The following CSRP1 variants were observed in gnomAD, a reference collection of about 807,000 sequenced individuals.
CSRP1 encodes the protein cysteine and glycine rich protein 1, also known as cysteine and glycine-rich protein 1.
CSRP1 carries 16 observed loss-of-function variants against 25.4 expected under a neutral mutation model. The ratio of observed to expected loss-of-function variants is 0.63; its 90% CI spans 0.43 to 0.96. The LOEUF (loss-of-function observed/expected upper bound fraction) is 0.96. Ranked by LOEUF, CSRP1 falls within the 40% of genes least tolerant of loss-of-function variation. CSRP1 has a pLI of 0.00. For missense variants in CSRP1, 212 were observed against 243.6 expected, an observed-to-expected ratio of 0.87 and a Z score of 0.86; for synonymous variants, 97 against 95.3, an observed-to-expected ratio of 1.02 and a Z score of -0.10.
rs1414238268 is a variant in CSRP1 at position 201,484,022 on chromosome 1, G to A, written c.*691C>T. On this transcript the variant is annotated 3_prime_UTR_variant, in exon 6 of 6. Transcript: ENST00000340006. ...CCTCCCATCAAGCAGGGAACTAGAT[G>A]TTTGAGAAGATCAAACAACATCCTG... is the stretch of plus-strand genomic sequence containing the variant. 2.9e-6 allele frequency: 2 copies of A among 697,936 alleles called. No homozygotes were observed. The highest frequency in any genetic ancestry group is 2.7e-5 in the East Asian group (1 of 37,076). The allele number at this position is 697,936 out of a possible 1,614,324, so 43.2% of individuals were successfully genotyped here.
rs1269835396 is a variant in CSRP1 at position 201,496,365 on chromosome 1, T to C, written c.-1-61A>G. 7 of 1,346,366 alleles carry C rather than the reference T, an allele frequency of 5.2e-6. No homozygotes were observed. The East Asian group carries it at 1.4e-4, about 26-fold the overall frequency. The allele number at this position is 1,346,366 out of a possible 1,614,324, so 83.4% of individuals were successfully genotyped here. ...AGGGAGATGGAAACATCTCAGATTG[T>C]CCACGACAGAAATGCAACAGCCAGA... On this transcript the variant is annotated intron_variant, in intron 1 of 5. Coordinates refer to ENST00000340006, the MANE Select transcript of CSRP1 (RefSeq NM_004078.3).
chr1:201,485,382 C>A lies in CSRP1; in HGVS notation c.412-6G>T. On this transcript the variant is annotated splice_region_variant and splice_polypyrimidine_tract_variant and intron_variant, in intron 4 of 5. Coordinates refer to ENST00000340006, the MANE Select transcript of CSRP1 (RefSeq NM_004078.3). The stretch of plus-strand genomic sequence containing the variant: ...AAGCAGGCCTTATGCCAGGACTAGG[C>A]AGGGAAGGAAATAGTTAATGGCTGC... 1 of 1,613,910 alleles carries A rather than the reference C, an allele frequency of 6.2e-7. No individual in the cohort carries two copies. Among genetic ancestry groups the A allele is most frequent in the Non-Finnish European group, 8.5e-7 (1 of 1,179,816 alleles).
chr1:201,505,252 C>T (rs1664789538), intron 1 of CSRP1, among the ~76,000 whole-genome samples: 1 of 152,174 alleles, frequency 6.6e-6, no homozygotes, highest in African/African-American at 2.4e-5. Flanking sequence ...ATTGCTACCC[C>T]ACTCATTCAT....
intron 1 of CSRP1, among the ~76,000 whole-genome samples, chr1:201,502,431 G>A (rs1260085967): frequency 6.6e-6 from 1 of 152,218 alleles, no homozygotes; most frequent in Non-Finnish European, 1.5e-5. Context: ...GGCTGGGCTG[G>A]TCAGGGCTCA....
At position 201,496,655 on chromosome 1, in the gene CSRP1, C is replaced by T. The variant is rs568925864; in HGVS notation, c.-1-351G>A. On this transcript the variant is annotated intron_variant, in intron 1 of 5. Coordinates refer to ENST00000340006, the MANE Select transcript of CSRP1 (RefSeq NM_004078.3). Reference sequence around the variant, plus strand: ...GACTGCCTACCCCTACACACGTCAACATGGACGGATCTCAAAGAGAATGTG... The same window carrying T: ...GACTGCCTACCCCTACACACGTCAATATGGACGGATCTCAAAGAGAATGTG... The T allele has an allele frequency of 2.4e-4, 66 of 274,724 alleles. 1 individual carries two copies. Among genetic ancestry groups the T allele is most frequent in the African/African-American group, 1.3e-3 (62 of 46,280 alleles). 17.0% of individuals were successfully genotyped at this position (274,724 alleles called of 1,614,324 possible).
At chr1:201,498,466 C>T (rs989908404) in intron 1 of CSRP1, among the ~76,000 whole-genome samples, 4 of 152,148 alleles carry the variant, frequency 2.6e-5, no homozygotes, top group South Asian at 2.1e-4. Flanking sequence ...AGAGAGCTCA[C>T]GGAACCTGTC....
At chr1:201,503,982 A>G (rs1216867295) in intron 1 of CSRP1, among the ~76,000 whole-genome samples, 1 of 152,232 alleles carries the variant, frequency 6.6e-6, no homozygotes, top group Non-Finnish European at 1.5e-5. Flanking sequence ...CCCGGAGGTC[A>G]GGAGTTCTAA....
At chr1:201,491,183 A>G (rs1664327933) in intron 2 of CSRP1, 1 of 152,240 alleles carries the variant, frequency 6.6e-6, no homozygotes, top group Admixed American at 6.5e-5. Flanking sequence ...CTGTAGTTCC[A>G]GCAGTGGGAA....
chr1:201,494,322 G>C lies in CSRP1; in HGVS notation c.112+1870C>G, dbSNP rs567210690. On this transcript the variant is annotated intron_variant, in intron 2 of 5. Transcript: ENST00000340006. ...TGATTAAGCAACATCTGAGAGCAAA[G>C]AGAGGGGCCCTTAGGACCCCAGCAG... is the stretch of plus-strand genomic sequence containing the variant. Among the ~76,000 whole-genome samples the C allele has an allele frequency of 4.6e-5, 7 of 152,260 alleles. No individual in the cohort carries two copies. In the East Asian group the frequency reaches 1.4e-3, roughly 29 times the overall value.
Position 201,490,191 on chromosome 1 carries a change from C to T in CSRP1, c.266G>A (p.Gly89Asp), listed in dbSNP as rs760604523. The T allele has an allele frequency of 2.5e-6, 4 of 1,613,686 alleles. No individual in the cohort carries two copies. The highest frequency in any genetic ancestry group is 1.1e-5 in the South Asian group (1 of 91,060). ...TLSTDKGESLGIKHEEAPGHR... is the reference protein window; with the variant it reads ...TLSTDKGESLDIKHEEAPGHR... ...TTTTACTCACTCCTCGTGCTTGATA[C>T]CCAGCGACTCCCCCTTGTCAGTGCT... The change falls in exon 3 of 6, where the codon GGT becomes GAT. Residue 89 changes from glycine (G) to aspartate (D), a missense_variant. Gly to Asp is a moderately conservative substitution (Grantham distance 94). Transcript: ENST00000340006.
At chr1:201,500,748 T>C (rs781612167) in intron 1 of CSRP1, among the ~76,000 whole-genome samples, 1 of 152,240 alleles carries the variant, frequency 6.6e-6, no homozygotes, top group Non-Finnish European at 1.5e-5. Flanking sequence ...GGCTCAGTCT[T>C]CACTCCACCT....
intron 3 of CSRP1, chr1:201,489,947 AG>A: frequency 2.1e-6 from 1 of 472,668 alleles, no homozygotes; most frequent in Non-Finnish European, 3.8e-6. Context: ...ATACAAATAT[AG>A]AATGCACGCT....
In CSRP1 at chr1:201,488,909, G is replaced by T. The variant is rs779726093; in HGVS notation, c.357C>A (p.Cys119Ter). ...FAQKIGGSER[C>*]PRCSQAVYAA... ...CATAGACTGCCTGGCTGCATCGGGG[G>T]CAGCGCTCGGAGCCACCAATCTTCT... is the stretch of plus-strand genomic sequence containing the variant. The change falls in exon 4 of 6, where the codon TGC becomes TGA. Residue 119 changes from cysteine (C) to a stop codon, truncating the protein, a stop_gained. Coordinates refer to ENST00000340006, the MANE Select transcript of CSRP1 (RefSeq NM_004078.3). LOFTEE classifies it high-confidence loss of function. 1.9e-6 allele frequency: 3 copies of T among 1,614,140 alleles called. No individual in the cohort carries two copies. In the South Asian group the frequency reaches 3.3e-5, roughly 18 times the overall value.
At chr1:201,487,470 G>C (rs1278802964) in intron 4 of CSRP1, 1 of 152,540 alleles carries the variant, frequency 6.6e-6, no homozygotes, top group Non-Finnish European at 1.5e-5. Context: ...GCCATTACTT[G>C]GTCCACTTTG....
intron 2 of CSRP1, among the ~76,000 whole-genome samples, chr1:201,493,953 A>C (rs1664419000): frequency 6.6e-6 from 1 of 152,138 alleles, no homozygotes; most frequent in African/African-American, 2.4e-5. Flanking sequence ...AGTTGTGGAG[A>C]TGGCTCAGCC....
intron 4 of CSRP1, chr1:201,486,525 C>T: frequency 1.0e-6 from 1 of 985,648 alleles, no homozygotes; most frequent in Non-Finnish European, 1.2e-6. Context: ...AATGGGGGGA[C>T]CTGGGTCTAG....
At chr1:201,500,687 C>T (rs936020031) in intron 1 of CSRP1, among the ~76,000 whole-genome samples, 7 of 152,240 alleles carry the variant, frequency 4.6e-5, no homozygotes, top group Non-Finnish European at 7.3e-5. Flanking sequence ...CTCCAGGTGA[C>T]CCTGCCTGTG....
intron 4 of CSRP1, chr1:201,485,860 C>A (rs57293100): frequency 0.028 from 4,347 of 155,544 alleles, 195 homozygotes; most frequent in African/African-American, 0.098. Flanking sequence ...TCTTCTGTGG[C>A]CCCTGGAGAA....
Position 201,484,497 on chromosome 1 carries a change from G to A in CSRP1, c.*216C>T. On this transcript the variant is annotated 3_prime_UTR_variant, in exon 6 of 6. Coordinates refer to ENST00000340006, the MANE Select transcript of CSRP1 (RefSeq NM_004078.3). ...CCCAAAACACTGAGGTCTCCTACTG[G>A]TGATGGTGTCAGATCCCAGGCCTGG... 3.4e-6 allele frequency: 2 copies of A among 591,120 alleles called. No individual in the cohort carries two copies. Among genetic ancestry groups the A allele is most frequent in the Non-Finnish European group, 6.1e-6 (2 of 330,022 alleles). 36.6% of individuals were successfully genotyped at this position (591,120 alleles called of 1,614,324 possible).
Sources: gnomAD v4.1 joint callset for allele counts (sites outside exome capture counted in the v4.1 genomes callset) on GRCh38, gnomAD v4.1.1 for gene constraint, MANE v1.5 for transcripts, NCBI Gene and HGNC (gene_info 2026-07-23, HGNC 2026-07-21) for gene names.